CHRM3: variants seen among roughly 807,000 people sequenced by gnomAD.
CHRM3 encodes muscarinic acetylcholine receptor M3.
Under a neutral mutation model 41.8 loss-of-function variants are expected in CHRM3, and 11 were observed. The ratio of observed to expected loss-of-function variants is 0.26; its 90% CI spans 0.17 to 0.44. CHRM3 has a LOEUF of 0.44. Ranked by LOEUF, CHRM3 falls within the 20% of genes least tolerant of loss-of-function variation. The pLI is 1.00. For synonymous variants in CHRM3, 297 were observed against 301.4 expected, an observed-to-expected ratio of 0.99 and a Z score of 0.15; for missense variants, 571 against 745.4, an observed-to-expected ratio of 0.77 and a Z score of 2.72.
intron 5 of CHRM3, among the ~76,000 whole-genome samples, chr1:239,752,780 T>A (rs1285255236): frequency 6.6e-6 from 1 of 152,220 alleles, no homozygotes; most frequent in African/African-American, 2.4e-5. Flanking sequence ...CTGAAATTAC[T>A]CTGAAATGTG....
chr1:239,555,204 A>T (rs1324031966), intron 3 of CHRM3, among the ~76,000 whole-genome samples: 2 of 152,198 alleles, frequency 1.3e-5, no homozygotes, highest in East Asian at 3.9e-4. Flanking sequence ...TAAAGGGGAA[A>T]AAATTGTTGC....
At chr1:239,425,050 T>C (rs1368874521) in intron 1 of CHRM3, among the ~76,000 whole-genome samples, 2 of 152,118 alleles carry the variant, frequency 1.3e-5, no homozygotes, top group Non-Finnish European at 2.9e-5. Flanking sequence ...AGTTGAGAGA[T>C]GATAGAAGCT....
intron 1 of CHRM3, among the ~76,000 whole-genome samples, chr1:239,418,383 C>T (rs1661673428): frequency 6.6e-6 from 1 of 151,934 alleles, no homozygotes; most frequent in African/African-American, 2.4e-5. Flanking sequence ...ATGGGCAAAC[C>T]AAAGATTTCT....
chr1:239,691,515 A>G (rs1324509530), intron 5 of CHRM3, among the ~76,000 whole-genome samples: 2 of 152,220 alleles, frequency 1.3e-5, no homozygotes, highest in Non-Finnish European at 2.9e-5. Flanking sequence ...CAGTTTAAAC[A>G]AAATGTCAAC....
chr1:239,612,659 TTC>T (rs1335461817), intron 3 of CHRM3, among the ~76,000 whole-genome samples: 3 of 152,204 alleles, frequency 2.0e-5, no homozygotes, highest in African/African-American at 7.2e-5. Context: ...TCTCCAGGCT[TTC>T]TTTCCCATTC....
At chr1:239,644,063 A>C (rs1671507167) in intron 4 of CHRM3, among the ~76,000 whole-genome samples, 1 of 152,232 alleles carries the variant, frequency 6.6e-6, no homozygotes, top group African/African-American at 2.4e-5. Context: ...TCTTTCATTG[A>C]CAAATGTGAT....
intron 2 of CHRM3, among the ~76,000 whole-genome samples, chr1:239,498,948 T>A (rs371375384): frequency 6.6e-6 from 1 of 152,256 alleles, no homozygotes; most frequent in Non-Finnish European, 1.5e-5. Context: ...CGTGCTTCCT[T>A]ATATGTAGGT....
At chr1:239,839,635 A>G (rs1427863372) in intron 6 of CHRM3, among the ~76,000 whole-genome samples, 1 of 152,188 alleles carries the variant, frequency 6.6e-6, no homozygotes, top group African/African-American at 2.4e-5. Flanking sequence ...CAACAGTACC[A>G]TTTATCTTCC....
intron 5 of CHRM3, among the ~76,000 whole-genome samples, chr1:239,680,708 A>ATGTG (rs71758239): frequency 2.0e-5 from 3 of 149,448 alleles, no homozygotes; most frequent in Non-Finnish European, 3.0e-5. Context: ...TGGTGTGTGC[A>ATGTG]TGTGTGTGTG....
intron 3 of CHRM3, among the ~76,000 whole-genome samples, chr1:239,596,588 A>G (rs1409544331): frequency 6.6e-6 from 1 of 152,196 alleles, no homozygotes; most frequent in Non-Finnish European, 1.5e-5. Context: ...AGATAAGTAT[A>G]TACCTGATGA....
chr1:239,581,897 G>A lies in CHRM3; in HGVS notation c.-313+36148G>A, dbSNP rs183131770. ...AAAACTTTACTTTCAACTGTAATAT[G>A]GAGCAGAGCAAATTTTGCCAATTAT... On this transcript the variant is annotated intron_variant, in intron 3 of 6. Coordinates refer to ENST00000676153, the MANE Select transcript of CHRM3 (RefSeq NM_001375978.1). Among the ~76,000 whole-genome samples, 843 of 152,198 alleles carry A rather than the reference G, an allele frequency of 5.5e-3. 5 individuals carry two copies. The highest frequency in any genetic ancestry group is 0.016 in the African/African-American group (662 of 41,546).
rs982643296 is a variant in CHRM3, at chr1:239,751,162, C to T, written c.-147+72874C>T. ...CTGAGGCAGGAGAATTGCTTGAACC[C>T]GGGAGGCAGAGGTTGCAGTGAGCCG... On this transcript the variant is annotated intron_variant, in intron 5 of 6. Coordinates refer to ENST00000676153, the MANE Select transcript of CHRM3 (RefSeq NM_001375978.1). 2.0e-5 allele frequency among the ~76,000 whole-genome samples: 3 copies of T among 150,566 alleles called. No individual in the cohort carries two copies. The East Asian group carries it at 5.9e-4, about 30-fold the overall frequency.
At chr1:239,529,909 T>A (rs72756737) in intron 2 of CHRM3, among the ~76,000 whole-genome samples, 78,723 of 151,190 alleles carry the variant, frequency 0.52, 20,781 homozygotes, top group Middle Eastern at 0.69. Flanking sequence ...TATTATTATT[T>A]TTTTTTGAGA....
chr1:239,597,920 A>G (rs1664995477), intron 3 of CHRM3, among the ~76,000 whole-genome samples: 1 of 148,764 alleles, frequency 6.7e-6, no homozygotes, highest in Non-Finnish European at 1.5e-5. Context: ...CTCTCTGAGA[A>G]CAGGGGTCTC....
At chr1:239,614,075 G>C (rs1156748753) in intron 3 of CHRM3, among the ~76,000 whole-genome samples, 1 of 152,208 alleles carries the variant, frequency 6.6e-6, no homozygotes, top group Admixed American at 6.5e-5. Flanking sequence ...GCTGAGGCTA[G>C]AGGATCTCTT....
intron 1 of CHRM3, among the ~76,000 whole-genome samples, chr1:239,486,376 G>T (rs761778930): frequency 6.6e-6 from 1 of 152,056 alleles, no homozygotes; most frequent in Non-Finnish European, 1.5e-5. Context: ...AACTTGTACC[G>T]CCACAAACCC....
chr1:239,411,942 C>G (rs1437208650), intron 1 of CHRM3, among the ~76,000 whole-genome samples: 1 of 151,720 alleles, frequency 6.6e-6, no homozygotes, highest in African/African-American at 2.4e-5. Context: ...TTTCATATTT[C>G]TAAATAGCAG....
In CHRM3 at chr1:239,452,345, A is replaced by G. The variant is rs146359165; in HGVS notation, c.-520-40364A>G. ...TACCCAACCATGAATATCTACAGCA[A>G]TAAGTGGCTGGTGACAGCTTCAGGA... On this transcript the variant is annotated intron_variant, in intron 1 of 6. Transcript: ENST00000676153. Among the ~76,000 whole-genome samples, 172 of 152,356 alleles carry G rather than the reference A, an allele frequency of 1.1e-3. 2 individuals are homozygous for G. The highest frequency in any genetic ancestry group is 0.01 in the Middle Eastern group (3 of 294).
intron 3 of CHRM3, among the ~76,000 whole-genome samples, chr1:239,598,947 A>G (rs2148675430): frequency 6.8e-6 from 1 of 148,076 alleles, no homozygotes; most frequent in Non-Finnish European, 1.5e-5. Flanking sequence ...TGTACCACTC[A>G]CTCATGTTTT....
Sources: gnomAD v4.1 joint callset for allele counts (sites outside exome capture counted in the v4.1 genomes callset) on GRCh38, gnomAD v4.1.1 for gene constraint, MANE v1.5 for transcripts, NCBI Gene and HGNC (gene_info 2026-07-23, HGNC 2026-07-21) for gene names.